Variants in SGCE observed in about 807,000 individuals in gnomAD.
SGCE encodes sarcoglycan epsilon, also known as epsilon-sarcoglycan.
A neutral mutation model predicts 57.8 loss-of-function variants in SGCE; 26 were observed. That is an observed-to-expected ratio of 0.45 (90% CI 0.33 to 0.62). SGCE has a LOEUF of 0.62. SGCE is among the 20% of genes least tolerant of loss of function. SGCE has a pLI of 0.02. For missense variants in SGCE, 468 were observed against 548.6 expected (o/e 0.85, Z 1.47); for synonymous variants, 183 against 189.5 (o/e 0.97, Z 0.28).
intron 1 of SGCE, chr7:94,640,985 A>G (rs1219246809): frequency 6.6e-6 from 1 of 152,280 alleles, no homozygotes; most frequent in Non-Finnish European, 1.5e-5. Flanking sequence ...GTAAGAAAGA[A>G]TGCTCAAAAG....
chr7:94,587,780 C>T (rs1210564725), intron 10 of SGCE: 1 of 1,547,580 alleles, frequency 6.5e-7, no homozygotes, highest in South Asian at 1.2e-5. Flanking sequence ...ATACTTGCCT[C>T]AAATCTTTGA....
intron 7 of SGCE, 192 bp downstream of exon 7, chr7:94,600,454 C>A (rs922900723): frequency 3.6e-6 from 2 of 561,134 alleles, no homozygotes; most frequent in African/African-American, 3.8e-5. Context: ...TAATTATATC[C>A]CCTAATTTGA....
chr7:94,613,088 A>G (rs763735579), intron 5 of SGCE, among the ~76,000 whole-genome samples: 1 of 152,224 alleles, frequency 6.6e-6, no homozygotes. Flanking sequence ...GGCTAAATGA[A>G]TGCATGAATG....
rs1803275083 is a variant in SGCE, at chr7:94,624,026, C to T, written c.391-629G>A. ...AACATTTGCAGAGCCAATAGACTTA[C>T]ATCAAAGTCAATTCAGAAACAGCCA... On this transcript the variant is annotated intron_variant, in intron 3 of 10. Coordinates refer to ENST00000648936, the MANE Select transcript of SGCE (RefSeq NM_003919.3). The T allele has an allele frequency of 1.0e-5, 4 of 393,210 alleles. No homozygotes were observed. In the South Asian group the frequency reaches 4.3e-4, roughly 42 times the overall value. The allele number at this position is 393,210 out of a possible 1,614,324, so 24.4% of individuals were successfully genotyped here. A position where few individuals can be genotyped will look rare whatever the true frequency, so the allele number is the denominator to read the frequency against.
intron 1 of SGCE, among the ~76,000 whole-genome samples, chr7:94,631,295 A>G (rs1804684595): frequency 6.7e-6 from 1 of 150,290 alleles, no homozygotes; most frequent in Admixed American, 6.6e-5. Flanking sequence ...TGAGAATTTT[A>G]TACTTTTTTT....
chr7:94,634,404 G>A (rs747474710), intron 1 of SGCE, among the ~76,000 whole-genome samples: 20 of 152,064 alleles, frequency 1.3e-4, no homozygotes, highest in Non-Finnish European at 2.2e-4. Context: ...GTCATTTACC[G>A]ATCACACTGT....
intron 5 of SGCE, among the ~76,000 whole-genome samples, chr7:94,610,548 CTA>C (rs1220199444): frequency 6.6e-6 from 1 of 152,100 alleles, no homozygotes; most frequent in Non-Finnish European, 1.5e-5. Context: ...AGAGCTAAAA[CTA>C]TTAAACTCTG....
rs1798796933 is a variant in SGCE at position 94,598,861 on chromosome 7, C to T, written c.1167G>A (p.Val389=). 2 of 1,612,548 alleles carry T rather than the reference C, an allele frequency of 1.2e-6. No homozygotes were observed. Among genetic ancestry groups the T allele is most frequent in the Admixed American group, 1.7e-5 (1 of 59,996 alleles). The change falls in exon 9 of 11, where the codon GTG becomes GTA. Residue 389 remains valine, a synonymous_variant. Coordinates refer to ENST00000648936, the MANE Select transcript of SGCE (RefSeq NM_003919.3). ...TGATTTCCCCAGTCACAGGGTGGAA[C>T]ACAGGAAGCGTTGACAGGGGCCATG... ...EIAWPLSTLP[V]FHPVTGEIIP...
intron 5 of SGCE, among the ~76,000 whole-genome samples, chr7:94,612,985 TAGTCA>T (rs1801291250): frequency 6.6e-6 from 1 of 152,256 alleles, no homozygotes; most frequent in African/African-American, 2.4e-5. Flanking sequence ...ACTGTAGTTC[TAGTCA>T]CCATCACCTT....
intron 1 of SGCE, among the ~76,000 whole-genome samples, chr7:94,637,654 ACT>A (rs1354118794): frequency 1.3e-5 from 2 of 152,134 alleles, no homozygotes; most frequent in Admixed American, 1.3e-4. Flanking sequence ...ATAATAGATG[ACT>A]CTGCTGAGTG....
intron 1 of SGCE, among the ~76,000 whole-genome samples, chr7:94,653,737 C>A (rs1255958135): frequency 6.6e-6 from 1 of 151,632 alleles, no homozygotes; most frequent in Non-Finnish European, 1.5e-5. Flanking sequence ...TATTTCTAAG[C>A]AAAGTGAAAA....
At chr7:94,614,926 C>G (rs1801644731) in intron 5 of SGCE, among the ~76,000 whole-genome samples, 1 of 151,990 alleles carries the variant, frequency 6.6e-6, no homozygotes, top group African/African-American at 2.4e-5. Flanking sequence ...GTTGCATTGA[C>G]TTCATTTGTT....
intron 9 of SGCE, chr7:94,597,098 C>T (rs572935900): frequency 6.6e-6 from 1 of 152,100 alleles, no homozygotes; most frequent in South Asian, 2.1e-4. Flanking sequence ...GGCTACTGAC[C>T]ACCAGAGAGC....
intron 10 of SGCE, chr7:94,588,337 C>G: frequency 9.2e-7 from 1 of 1,086,754 alleles, no homozygotes; most frequent in Non-Finnish European, 1.1e-6. Flanking sequence ...CTTCAAGCTG[C>G]TCACTTACTG....
chr7:94,602,669 A>G (rs1799455694), intron 6 of SGCE, among the ~76,000 whole-genome samples: 1 of 152,114 alleles, frequency 6.6e-6, no homozygotes, highest in Non-Finnish European at 1.5e-5. Context: ...TATAATATAA[A>G]ATATGCAAAC....
At chr7:94,632,196 C>CA (rs1804822604) in intron 1 of SGCE, among the ~76,000 whole-genome samples, 1 of 151,832 alleles carries the variant, frequency 6.6e-6, no homozygotes. Context: ...GCTAACAAAG[C>CA]AAAATGAAAG....
intron 10 of SGCE, among the ~76,000 whole-genome samples, chr7:94,586,276 G>A (rs1796902216): frequency 2.6e-5 from 4 of 152,078 alleles, no homozygotes; most frequent in Non-Finnish European, 1.5e-5. Flanking sequence ...CATAAATGTA[G>A]CTGCCTCTAT....
At chr7:94,655,791 G>C (rs1311217012) in intron 1 of SGCE, among the ~76,000 whole-genome samples, 199 bp downstream of exon 1, 1 of 147,460 alleles carries the variant, frequency 6.8e-6, no homozygotes, top group Non-Finnish European at 1.5e-5. Flanking sequence ...AAAAGGCCAG[G>C]GGTCAAGCCT....
chr7:94,624,570 C>A, intron 3 of SGCE: 1 of 215,444 alleles, frequency 4.6e-6, no homozygotes, highest in Non-Finnish European at 9.1e-6. Flanking sequence ...TAATTTCACA[C>A]CGGACATTAA....
Sources: allele counts gnomAD v4.1 joint callset (sites outside exome capture counted in the v4.1 genomes callset), GRCh38; gene constraint gnomAD v4.1.1; transcripts MANE v1.5; gene names NCBI Gene and HGNC (gene_info 2026-07-23, HGNC 2026-07-21).